Variants in SUMF1 observed in about 807,000 individuals in gnomAD.
SUMF1 encodes the protein formylglycine-generating enzyme.
Under a neutral mutation model 47.6 loss-of-function variants are expected in SUMF1, and 48 were observed. The observed-to-expected ratio is 1.01, with a 90% CI of 0.80 to 1.28. The LOEUF (loss-of-function observed/expected upper bound fraction) is 1.28, where lower values mean the gene tolerates loss of function less well. Among genes scored for constraint, SUMF1 ranks in the 50% most tolerant of loss-of-function variants. The pLI is 0.00. For synonymous variants in SUMF1, 230 were observed against 192.1 expected (o/e 1.20, Z -1.63); for missense variants, 571 against 485.4 (o/e 1.18, Z -1.66).
intron 8 of SUMF1, among the ~76,000 whole-genome samples, chr3:4,161,984 T>C (rs766408721): frequency 2.6e-5 from 4 of 152,152 alleles, no homozygotes; most frequent in Non-Finnish European, 5.9e-5. Flanking sequence ...CTACCACTGC[T>C]GATTTTTCAG....
chr3:4,135,150 C>T (rs546154511), intron 8 of SUMF1, among the ~76,000 whole-genome samples: 17 of 152,142 alleles, frequency 1.1e-4, no homozygotes, highest in South Asian at 2.1e-4. Context: ...GATACCAAAG[C>T]CTGGCAGAGA....
chr3:4,288,395 G>T (rs1039096579), intron 8 of SUMF1, among the ~76,000 whole-genome samples: 1 of 151,944 alleles, frequency 6.6e-6, no homozygotes, highest in Non-Finnish European at 1.5e-5. Context: ...CAAAGCTTTT[G>T]GATAGATGTA....
chr3:4,338,107 G>A (rs1699192447), intron 8 of SUMF1, among the ~76,000 whole-genome samples: 1 of 152,036 alleles, frequency 6.6e-6, no homozygotes, highest in African/African-American at 2.4e-5. Context: ...TGAGTAGTAA[G>A]AATATTTTAG....
At chr3:4,128,017 C>T (rs1036351816) in intron 8 of SUMF1, among the ~76,000 whole-genome samples, 8 of 151,982 alleles carry the variant, frequency 5.3e-5, no homozygotes, top group South Asian at 4.2e-4. Context: ...CGTGGAGAAC[C>T]GAGGAACATA....
At chr3:4,309,194 A>G (rs1698308744) in intron 8 of SUMF1, among the ~76,000 whole-genome samples, 1 of 152,214 alleles carries the variant, frequency 6.6e-6, no homozygotes, top group Admixed American at 6.5e-5. Flanking sequence ...AGCAGGCTTC[A>G]GAGAGAATAG....
chr3:4,184,895 C>A (rs1260760026), intron 8 of SUMF1, among the ~76,000 whole-genome samples: 3 of 152,070 alleles, frequency 2.0e-5, no homozygotes, highest in African/African-American at 4.8e-5. Flanking sequence ...GGTGATCCAC[C>A]TGCCTGGGCC....
At chr3:4,460,906 C>T (rs2079798799) in intron 1 of SUMF1, among the ~76,000 whole-genome samples, 2 of 151,980 alleles carry the variant, frequency 1.3e-5, no homozygotes, top group African/African-American at 4.8e-5. Flanking sequence ...ACTCCTGCTT[C>T]AGCCTCCCAA....
chr3:4,127,677 C>A (rs147719568), intron 8 of SUMF1, among the ~76,000 whole-genome samples: 3 of 152,102 alleles, frequency 2.0e-5, no homozygotes, highest in African/African-American at 7.2e-5. Context: ...ATAAACCCCC[C>A]TTTGTATAAA....
chr3:4,395,586 A>G lies in SUMF1; in HGVS notation c.954+15279T>C, dbSNP rs566944408. ...GTAAAACACACGAATCAAATTAACA[A>G]CCTCCACTGTATTTTCTCTGTAAAA... is the stretch of plus-strand genomic sequence containing the variant. On this transcript the variant is annotated intron_variant, in intron 7 of 8. Transcript: ENST00000272902. Among the ~76,000 whole-genome samples the G allele has an allele frequency of 2.0e-5, 3 of 152,106 alleles. No individual in the cohort carries two copies. In the South Asian group the frequency reaches 6.2e-4, roughly 32 times the overall value.
intron 7 of SUMF1, among the ~76,000 whole-genome samples, chr3:4,398,972 C>A (rs1701122298): frequency 6.6e-6 from 1 of 152,122 alleles, no homozygotes; most frequent in South Asian, 2.1e-4. Flanking sequence ...ATCTTGACTG[C>A]AAATCAAGTT....
At chr3:4,055,431 C>T (rs114604609) in intron 9 of SUMF1, among the ~76,000 whole-genome samples, 3 of 151,998 alleles carry the variant, frequency 2.0e-5, no homozygotes, top group Non-Finnish European at 2.9e-5. Context: ...ATTCCCACAA[C>T]CTTAGCAGCT....
intron 6 of SUMF1, among the ~76,000 whole-genome samples, chr3:4,416,419 C>T (rs914860754): frequency 1.3e-5 from 2 of 152,112 alleles, no homozygotes; most frequent in African/African-American, 4.8e-5. Flanking sequence ...ACAGATGAAA[C>T]GTTTCTGATA....
intron 8 of SUMF1, among the ~76,000 whole-genome samples, chr3:4,093,475 G>C (rs2125055010): frequency 6.6e-6 from 1 of 152,162 alleles, no homozygotes. Context: ...TGGTTGGGGA[G>C]AAGGAAAGGA....
intron 3 of SUMF1, among the ~76,000 whole-genome samples, chr3:4,434,835 G>C (rs1417367881): frequency 2.0e-5 from 3 of 152,166 alleles, no homozygotes; most frequent in Admixed American, 1.3e-4. Flanking sequence ...CTAGAGAATT[G>C]TAACAAGCCC....
At chr3:4,451,562 T>C (rs1702969077) in intron 2 of SUMF1, among the ~76,000 whole-genome samples, 1 of 152,238 alleles carries the variant, frequency 6.6e-6, no homozygotes, top group African/African-American at 2.4e-5. Flanking sequence ...CTAATCTTCA[T>C]GGAGAACCCT....
chr3:4,180,537 C>G (rs1277443667), intron 8 of SUMF1, among the ~76,000 whole-genome samples: 1 of 151,524 alleles, frequency 6.6e-6, no homozygotes, highest in Non-Finnish European at 1.5e-5. Flanking sequence ...ACACCAGGGC[C>G]TGTCATGGGG....
chr3:4,220,071 A>C (rs936656214), intron 8 of SUMF1, among the ~76,000 whole-genome samples: 1 of 152,166 alleles, frequency 6.6e-6, no homozygotes, highest in Non-Finnish European at 1.5e-5. Flanking sequence ...GGAAATAGAA[A>C]GAAAAATTCT....
chr3:4,455,900 C>G (rs1341360377), intron 1 of SUMF1, among the ~76,000 whole-genome samples: 1 of 151,958 alleles, frequency 6.6e-6, no homozygotes, highest in African/African-American at 2.4e-5. Flanking sequence ...GACACCAAAG[C>G]CAGACAAGAA....
intron 8 of SUMF1, among the ~76,000 whole-genome samples, chr3:4,260,742 A>C (rs1368800260): frequency 6.6e-6 from 1 of 152,148 alleles, no homozygotes; most frequent in Non-Finnish European, 1.5e-5. Context: ...CTAAGAAAAA[A>C]AAAAGAAAAA....
Sources: allele counts gnomAD v4.1 joint callset (sites outside exome capture counted in the v4.1 genomes callset), GRCh38; gene constraint gnomAD v4.1.1; transcripts MANE v1.5; gene names NCBI Gene and HGNC (gene_info 2026-07-23, HGNC 2026-07-21).